MOBP: variants seen among roughly 807,000 people sequenced by gnomAD.
MOBP encodes myelin associated oligodendrocyte basic protein.
MOBP carries 5 observed loss-of-function variants against 15.0 expected under a neutral mutation model. The observed-to-expected ratio is 0.33, with a 90% CI of 0.17 to 0.70. MOBP has a LOEUF of 0.70. Ranked by LOEUF, MOBP falls within the 30% of genes least tolerant of loss-of-function variation. The probability of loss-of-function intolerance (pLI) is 0.67; values close to 1 mark genes in which losing one functional copy is unlikely to be tolerated. For synonymous variants in MOBP, 88 were observed against 99.0 expected, an observed-to-expected ratio of 0.89 and a Z score of 0.66; for missense variants, 188 against 257.8, an observed-to-expected ratio of 0.73 and a Z score of 1.85.
downstream of MOBP, among the ~76,000 whole-genome samples, chr3:39,516,444 T>C (rs568050709): frequency 4.4e-4 from 67 of 152,132 alleles, no homozygotes; most frequent in South Asian, 0.013. Context: ...AAGGAGAGTA[T>C]AGATTCTGGT....
chr3:39,474,461 T>A (rs1389063815), intron 1 of MOBP, among the ~76,000 whole-genome samples: 1 of 152,226 alleles, frequency 6.6e-6, no homozygotes. Context: ...TACAGGCTAC[T>A]TAATACAACG....
intron 1 of MOBP, among the ~76,000 whole-genome samples, chr3:39,469,334 T>TTAAAATTTATTTTAATTGGAATTAAC (rs1559412479): frequency 2.3e-4 from 33 of 141,960 alleles, no homozygotes; most frequent in South Asian, 4.9e-4. Flanking sequence ...TTAATTTTAA[T>TTAAAATTTATTTTAATTGGAATTAAC]TAAAATTTAT....
At chr3:39,480,714 G>C (rs1018291543) in intron 2 of MOBP, among the ~76,000 whole-genome samples, 1 of 152,082 alleles carries the variant, frequency 6.6e-6, no homozygotes, top group Non-Finnish European at 1.5e-5. Flanking sequence ...CTCCTCCTTC[G>C]CTGATGGTTT....
chr3:39,496,170 A>T (rs2042877596), intron 2 of MOBP, among the ~76,000 whole-genome samples: 1 of 151,546 alleles, frequency 6.6e-6, no homozygotes, highest in Admixed American at 6.6e-5. Flanking sequence ...GAATTTATGA[A>T]TTTGTATTAT....
exon 5 of MOBP, chr3:39,513,760 G>A (rs1303377131): frequency 3.4e-6 from 1 of 290,982 alleles, no homozygotes; most frequent in East Asian, 6.0e-5. Context: ...CATGGCTCAG[G>A]GTCAGGGTGG....
downstream of MOBP, chr3:39,526,680 C>G (rs2043326653): frequency 6.6e-6 from 1 of 151,828 alleles, no homozygotes. Context: ...TCGTAAATAC[C>G]CAACAACTGG....
chr3:39,497,973 G>GCTGT (rs1395572390), intron 2 of MOBP, among the ~76,000 whole-genome samples: 1 of 152,210 alleles, frequency 6.6e-6, no homozygotes, highest in Non-Finnish European at 1.5e-5. Flanking sequence ...AACACTGTTG[G>GCTGT]CTGTCTGTGA....
chr3:39,471,992 T>G (rs1366097403), intron 1 of MOBP, among the ~76,000 whole-genome samples: 1 of 152,196 alleles, frequency 6.6e-6, no homozygotes, highest in Non-Finnish European at 1.5e-5. Context: ...ATAACTACTA[T>G]AGAGAACCTT....
intron 1 of MOBP, among the ~76,000 whole-genome samples, chr3:39,469,706 T>TTG (rs978225190): frequency 2.4e-4 from 36 of 152,322 alleles, no homozygotes; most frequent in African/African-American, 7.9e-4. Flanking sequence ...AGGAATAGGC[T>TTG]TGCATTTTAG....
intron 2 of MOBP, among the ~76,000 whole-genome samples, chr3:39,497,811 C>T (rs902538178): frequency 6.6e-6 from 1 of 152,230 alleles, no homozygotes; most frequent in Admixed American, 6.5e-5. Flanking sequence ...ACAGATCAGA[C>T]AGTCCCCAGA....
At chr3:39,490,789 T>C (rs1768221) in intron 2 of MOBP, among the ~76,000 whole-genome samples, 45,326 of 152,030 alleles carry the variant, frequency 0.3, 9,137 homozygotes, top group African/African-American at 0.57. Context: ...TCTCGAACGC[T>C]TGACCTTGGG....
downstream of MOBP, among the ~76,000 whole-genome samples, chr3:39,518,613 C>T (rs2043229644): frequency 6.6e-6 from 1 of 152,168 alleles, no homozygotes; most frequent in African/African-American, 2.4e-5. Flanking sequence ...ACTGAAAATA[C>T]TTCCCTGGCT....
chr3:39,469,789 G>T (rs1264978762), intron 1 of MOBP, among the ~76,000 whole-genome samples: 2 of 152,136 alleles, frequency 1.3e-5, no homozygotes, highest in African/African-American at 4.8e-5. Context: ...TTACCTAATA[G>T]TTACTAGGAT....
rs747899949 is a variant in MOBP at position 39,468,936 on chromosome 3, T to TA, written c.-89+1196_-89+1197insA. ...GAGTGTGTATATATACATATATACATTGTGTGTATATATACATATATACAT... is the reference window on the plus strand; with the variant it reads ...GAGTGTGTATATATACATATATACATATGTGTGTATATATACATATATACAT... On this transcript the variant is annotated intron_variant, in intron 1 of 3. Coordinates refer to ENST00000684792, the MANE Select transcript of MOBP (RefSeq NM_001393704.1). 1.4e-3 allele frequency among the ~76,000 whole-genome samples: 76 copies of TA among 53,992 alleles called. 17 individuals are homozygous for TA. Among genetic ancestry groups the TA allele is most frequent in the African/African-American group, 6.9e-3 (31 of 4,492 alleles). The allele number at this position is 53,992 out of a possible 152,430, so 35.4% of individuals were successfully genotyped here.
intron 1 of MOBP, among the ~76,000 whole-genome samples, chr3:39,468,793 T>C (rs554845419): frequency 2.0e-5 from 1 of 50,678 alleles, no homozygotes; most frequent in Admixed American, 1.4e-4. Flanking sequence ...TACATGTGTG[T>C]GTATATATAC....
intron 1 of MOBP, among the ~76,000 whole-genome samples, chr3:39,469,117 CATATATACATATGTGTGTGTATATACAT>C (rs2042418142): frequency 2.1e-5 from 1 of 47,444 alleles, no homozygotes; most frequent in African/African-American, 1.7e-4. Flanking sequence ...TGTATATATA[CATATATACATATGTGTGTGTATATACAT>C]ATATACATAT....
intron 1 of MOBP, among the ~76,000 whole-genome samples, chr3:39,474,978 C>A (rs1037247614): frequency 5.9e-5 from 9 of 152,124 alleles, no homozygotes; most frequent in African/African-American, 2.2e-4. Context: ...ACTGTAGACT[C>A]TAATCATATT....
intron 1 of MOBP, among the ~76,000 whole-genome samples, chr3:39,470,010 GCTCT>G (rs2042446859): frequency 1.3e-5 from 2 of 152,188 alleles, no homozygotes; most frequent in South Asian, 4.1e-4. Context: ...CATGTCTACT[GCTCT>G]CTGAGTATTA....
chr3:39,484,112 T>C (rs2042666269), intron 2 of MOBP, among the ~76,000 whole-genome samples: 1 of 152,190 alleles, frequency 6.6e-6, no homozygotes, highest in African/African-American at 2.4e-5. Context: ...GTACAAGTTA[T>C]AAAGATAGCC....
Sources: gnomAD v4.1 joint callset for allele counts (sites outside exome capture counted in the v4.1 genomes callset) on GRCh38, gnomAD v4.1.1 for gene constraint, MANE v1.5 for transcripts, NCBI Gene and HGNC (gene_info 2026-07-23, HGNC 2026-07-21) for gene names.